PRKG1: variants seen among roughly 807,000 people sequenced by gnomAD.
PRKG1 encodes protein kinase cGMP-dependent 1.
A neutral mutation model predicts 88.1 loss-of-function variants in PRKG1; 35 were observed. The ratio of observed to expected loss-of-function variants is 0.40; its 90% confidence interval spans 0.30 to 0.53. The LOEUF is 0.53. Among genes scored for constraint, PRKG1 ranks in the 20% least tolerant of loss-of-function variants. The pLI is 0.59. For missense variants in PRKG1, 540 were observed against 839.8 expected (o/e 0.64, Z 4.41); for synonymous variants, 303 against 292.5 (o/e 1.04, Z -0.37).
At chr10:51,216,244 A>G (rs1838368300) in intron 2 of PRKG1, among the ~76,000 whole-genome samples, 1 of 152,236 alleles carries the variant, frequency 6.6e-6, no homozygotes, top group Non-Finnish European at 1.5e-5. Context: ...CTTGGTAGCA[A>G]TAACAACATT....
intron 1 of PRKG1, among the ~76,000 whole-genome samples, chr10:51,054,943 G>A (rs1211593564): frequency 6.6e-6 from 1 of 151,956 alleles, no homozygotes; most frequent in South Asian, 2.1e-4. Context: ...TATGTATAAG[G>A]CACTATAATA....
At chr10:51,293,069 A>G (rs964425519) in intron 2 of PRKG1, among the ~76,000 whole-genome samples, 2 of 152,098 alleles carry the variant, frequency 1.3e-5, no homozygotes, top group Non-Finnish European at 2.9e-5. Flanking sequence ...TTGAGGTATG[A>G]TTGAAAAACG....
At chr10:51,261,969 C>T (rs1394118073) in intron 2 of PRKG1, among the ~76,000 whole-genome samples, 1 of 148,680 alleles carries the variant, frequency 6.7e-6, no homozygotes, top group Non-Finnish European at 1.5e-5. Context: ...TCACTGCAAG[C>T]TCTGCCTCCC....
intron 14 of PRKG1, among the ~76,000 whole-genome samples, chr10:52,287,857 G>C (rs747938348): frequency 2.6e-5 from 4 of 152,058 alleles, no homozygotes; most frequent in Admixed American, 6.6e-5. Flanking sequence ...AGAAACATTA[G>C]AGCAATAAAT....
At chr10:52,055,790 G>A (rs115807308) in intron 6 of PRKG1, among the ~76,000 whole-genome samples, 2,136 of 152,252 alleles carry the variant, frequency 0.014, 53 homozygotes, top group African/African-American at 0.049. Context: ...CTTTATAAAT[G>A]AAGCATATTT....
intron 4 of PRKG1, among the ~76,000 whole-genome samples, chr10:51,855,504 G>A (rs1018000584): frequency 6.6e-6 from 1 of 152,162 alleles, no homozygotes; most frequent in African/African-American, 2.4e-5. Context: ...TCTGGTGTGA[G>A]GAATGCAATT....
chr10:52,254,008 C>T (rs902889839), intron 10 of PRKG1, among the ~76,000 whole-genome samples: 1 of 151,918 alleles, frequency 6.6e-6, no homozygotes, highest in Admixed American at 6.6e-5. Flanking sequence ...CTTATTTTCC[C>T]AATTCTTGCC....
chr10:51,876,222 T>TCA (rs1270015485), intron 4 of PRKG1, among the ~76,000 whole-genome samples: 1 of 131,326 alleles, frequency 7.6e-6, no homozygotes, highest in Non-Finnish European at 1.6e-5. Context: ...TATATTTGTG[T>TCA]TACACACACA....
At chr10:52,019,937 A>G (rs1286243552) in intron 5 of PRKG1, among the ~76,000 whole-genome samples, 23 of 152,200 alleles carry the variant, frequency 1.5e-4, no homozygotes, top group Admixed American at 1.5e-3. Context: ...TGGAGTTCAG[A>G]GTCTCTGAGG....
intron 3 of PRKG1, among the ~76,000 whole-genome samples, chr10:51,554,128 T>TTA (rs1210770301): frequency 3.4e-5 from 5 of 146,498 alleles, no homozygotes; most frequent in Admixed American, 1.4e-4. Context: ...CGTGTATATA[T>TTA]TATATGTGCG....
In PRKG1 at chr10:51,640,924, G is replaced by A. The variant is rs140278210; in HGVS notation, c.593-163661G>A. Among the ~76,000 whole-genome samples, 180 of 152,000 alleles carry A rather than the reference G, an allele frequency of 1.2e-3. 2 individuals are homozygous for A. Among genetic ancestry groups the A allele is most frequent in the African/African-American group, 4.2e-3 (173 of 41,448 alleles). ...AAGTCTCTCTTTTGTATTTTTTCAC[G>A]TTTACCTTTTTTGTTTGCTTGCTGA... On this transcript the variant is annotated intron_variant, in intron 3 of 17. Coordinates refer to ENST00000373980, the MANE Select transcript of PRKG1 (RefSeq NM_006258.4).
At chr10:51,202,272 A>G (rs1057382577) in intron 2 of PRKG1, among the ~76,000 whole-genome samples, 3 of 152,214 alleles carry the variant, frequency 2.0e-5, no homozygotes, top group Admixed American at 6.5e-5. Context: ...AATGTGTAAC[A>G]GCCCAGCTTT....
chr10:51,694,196 T>C (rs1428934188), intron 3 of PRKG1, among the ~76,000 whole-genome samples: 2 of 152,168 alleles, frequency 1.3e-5, no homozygotes, highest in Non-Finnish European at 2.9e-5. Context: ...GATAATTCAG[T>C]TTCTCTGCCA....
At chr10:51,721,355 A>G (rs1370241981) in intron 3 of PRKG1, among the ~76,000 whole-genome samples, 1 of 152,148 alleles carries the variant, frequency 6.6e-6, no homozygotes, top group East Asian at 1.9e-4. Context: ...CATGTACTTC[A>G]AGGCAAAGAA....
intron 3 of PRKG1, among the ~76,000 whole-genome samples, chr10:51,576,828 T>G (rs1243249822): frequency 6.6e-6 from 1 of 152,014 alleles, no homozygotes; most frequent in Non-Finnish European, 1.5e-5. Flanking sequence ...TTTTTCATTT[T>G]CTATTGTCAT....
chr10:51,185,498 G>T (rs1332595259), intron 2 of PRKG1, among the ~76,000 whole-genome samples: 2 of 152,044 alleles, frequency 1.3e-5, no homozygotes, highest in Admixed American at 1.3e-4. Context: ...TAAAAGAAAG[G>T]TGTTTATTTT....
intron 3 of PRKG1, among the ~76,000 whole-genome samples, chr10:51,690,140 G>A (rs1841100097): frequency 6.6e-6 from 1 of 152,098 alleles, no homozygotes; most frequent in Admixed American, 6.6e-5. Flanking sequence ...AGAGCAGAGG[G>A]GGAGGTGCTG....
intron 4 of PRKG1, among the ~76,000 whole-genome samples, chr10:51,806,255 T>C (rs992160151): frequency 1.6e-4 from 25 of 152,296 alleles, no homozygotes; most frequent in South Asian, 1.0e-3. Flanking sequence ...ACACTTACGA[T>C]GTTGATTTTA....
At chr10:51,605,161 G>A (rs1003267859) in intron 3 of PRKG1, among the ~76,000 whole-genome samples, 1 of 152,178 alleles carries the variant, frequency 6.6e-6, no homozygotes, top group Non-Finnish European at 1.5e-5. Flanking sequence ...GGTGTCCGCA[G>A]GTCTGCTCCT....
Sources: gnomAD v4.1 joint callset for allele counts (sites outside exome capture counted in the v4.1 genomes callset) on GRCh38, gnomAD v4.1.1 for gene constraint, MANE v1.5 for transcripts, NCBI Gene and HGNC (gene_info 2026-07-23, HGNC 2026-07-21) for gene names.